The following ABTB2 variants were observed in gnomAD, a reference collection of about 807,000 sequenced individuals.
ABTB2 encodes ankyrin repeat and BTB/POZ domain-containing protein 2.
Under a neutral mutation model 104.1 loss-of-function variants are expected in ABTB2, and 56 were observed. That is an observed-to-expected ratio of 0.54 (90% CI 0.43 to 0.67). The LOEUF (loss-of-function observed/expected upper bound fraction) is 0.67. Ranked by LOEUF, ABTB2 falls within the 30% of genes least tolerant of loss-of-function variation. The pLI is 0.00. For missense variants in ABTB2, 1,279 were observed against 1,407.7 expected, an observed-to-expected ratio of 0.91 and a Z score of 1.46; for synonymous variants, 606 against 608.2, an observed-to-expected ratio of 1.00 and a Z score of 0.05.
At chr11:34,208,941 C>G (rs1413177027) in intron 1 of ABTB2, among the ~76,000 whole-genome samples, 1 of 152,198 alleles carries the variant, frequency 6.6e-6, no homozygotes, top group Non-Finnish European at 1.5e-5. Flanking sequence ...AGGCTTACCC[C>G]CTTCCCCTTA....
intron 1 of ABTB2, among the ~76,000 whole-genome samples, chr11:34,249,178 G>A (rs1854023793): frequency 6.6e-6 from 1 of 152,170 alleles, no homozygotes. Context: ...TTTGCAAGTG[G>A]TCATGACTTG....
chr11:34,171,128 G>A (rs1231632769), intron 4 of ABTB2, 57 bp from the exon 5 acceptor site: 4 of 1,566,950 alleles, frequency 2.6e-6, no homozygotes, highest in Non-Finnish European at 3.5e-6. Context: ...AACTTTCAAT[G>A]ATGTGACACA....
intron 1 of ABTB2, among the ~76,000 whole-genome samples, chr11:34,274,079 G>C (rs1235667295): frequency 3.5e-5 from 5 of 143,196 alleles, no homozygotes; most frequent in Non-Finnish European, 6.0e-5. Flanking sequence ...GTGAACCCGG[G>C]AAGCGGAGCT....
chr11:34,213,064 G>A (rs913192252), intron 1 of ABTB2, among the ~76,000 whole-genome samples: 14 of 152,178 alleles, frequency 9.2e-5, no homozygotes, highest in Non-Finnish European at 1.9e-4. Context: ...CCTGCTGGGG[G>A]TGCACCTGCT....
At chr11:34,230,988 G>A (rs1012718780) in intron 1 of ABTB2, among the ~76,000 whole-genome samples, 1 of 152,260 alleles carries the variant, frequency 6.6e-6, no homozygotes, top group African/African-American at 2.4e-5. Context: ...TGGGGTTACA[G>A]GCATGAGCCA....
At chr11:34,188,916 C>T (rs951196063) in intron 3 of ABTB2, among the ~76,000 whole-genome samples, 4 of 152,188 alleles carry the variant, frequency 2.6e-5, no homozygotes, top group African/African-American at 9.7e-5. Flanking sequence ...GTACCTCACT[C>T]GTATCAGGGC....
intron 1 of ABTB2, among the ~76,000 whole-genome samples, chr11:34,236,476 T>C (rs1853845117): frequency 6.6e-6 from 1 of 152,198 alleles, no homozygotes; most frequent in Admixed American, 6.5e-5. Flanking sequence ...TTTCTAGGGC[T>C]GGAGAAGGAC....
At chr11:34,234,241 G>A (rs767235247) in intron 1 of ABTB2, among the ~76,000 whole-genome samples, 1 of 152,170 alleles carries the variant, frequency 6.6e-6, no homozygotes, top group Non-Finnish European at 1.5e-5. Flanking sequence ...ATGAGCTTCC[G>A]GGTGAAGTCA....
intron 1 of ABTB2, among the ~76,000 whole-genome samples, chr11:34,248,231 G>T (rs879440370): frequency 1.3e-5 from 2 of 151,882 alleles, no homozygotes; most frequent in Non-Finnish European, 2.9e-5. Context: ...GTAGCTAGGG[G>T]AGGCTTGCAC....
At chr11:34,340,777 G>A (rs1177912365) in intron 1 of ABTB2, among the ~76,000 whole-genome samples, 1 of 152,212 alleles carries the variant, frequency 6.6e-6, no homozygotes, top group African/African-American at 2.4e-5. Context: ...CAATAGGCCA[G>A]CTTTAGGCAA....
chr11:34,281,906 CAG>C (rs143955139), intron 1 of ABTB2, among the ~76,000 whole-genome samples: 17,517 of 152,148 alleles, frequency 0.12, 1,176 homozygotes, highest in Admixed American at 0.21. Flanking sequence ...GCTGATATAA[CAG>C]AGGACAAATA....
chr11:34,213,124 A>C (rs1446492346), intron 1 of ABTB2, among the ~76,000 whole-genome samples: 2 of 152,106 alleles, frequency 1.3e-5, no homozygotes, highest in Non-Finnish European at 2.9e-5. Flanking sequence ...TGGCTCCTCC[A>C]ATTCTCAGAG....
At chr11:34,210,441 T>C (rs1211138329) in intron 1 of ABTB2, among the ~76,000 whole-genome samples, 1 of 152,200 alleles carries the variant, frequency 6.6e-6, no homozygotes, top group East Asian at 1.9e-4. Context: ...CTTTCCCCCA[T>C]ATACACACAC....
intron 3 of ABTB2, chr11:34,189,326 G>C (rs1328296590): frequency 6.6e-6 from 1 of 152,158 alleles, no homozygotes; most frequent in Non-Finnish European, 1.5e-5. Flanking sequence ...AAAATGCTGG[G>C]CACTGTGGCT....
At chr11:34,272,728 A>AAAAAAAAAAAAAAAAC (rs1565156120) in intron 1 of ABTB2, among the ~76,000 whole-genome samples, 2 of 133,226 alleles carry the variant, frequency 1.5e-5, no homozygotes, top group Non-Finnish European at 3.2e-5. Context: ...AAAAAAAAAA[A>AAAAAAAAAAAAAAAAC]AAACCAACCA....
At chr11:34,166,665 G>C (rs1452294221) in intron 7 of ABTB2, among the ~76,000 whole-genome samples, 4 of 152,248 alleles carry the variant, frequency 2.6e-5, no homozygotes, top group African/African-American at 9.6e-5. Flanking sequence ...CTGGGAGTAA[G>C]TGCACGTGGC....
At chr11:34,253,630 C>T (rs112250055) in intron 1 of ABTB2, among the ~76,000 whole-genome samples, 5 of 151,184 alleles carry the variant, frequency 3.3e-5, no homozygotes, top group African/African-American at 1.2e-4. Flanking sequence ...GAGCAGAGAA[C>T]GTGCCACTGC....
intron 3 of ABTB2, among the ~76,000 whole-genome samples, chr11:34,195,094 C>CGGG (rs1769567502): frequency 7.2e-5 from 2 of 27,872 alleles, no homozygotes; most frequent in Non-Finnish European, 1.0e-4. Flanking sequence ...GGAGTGGGGG[C>CGGG]GGGAGAAAGT....
At chr11:34,312,592 C>T (rs562754993) in intron 1 of ABTB2, among the ~76,000 whole-genome samples, 41 of 152,212 alleles carry the variant, frequency 2.7e-4, no homozygotes, top group Non-Finnish European at 4.7e-4. Context: ...TAAACTGTAT[C>T]CAGGGTCAGA....
Sources: gnomAD v4.1 joint callset for allele counts (sites outside exome capture counted in the v4.1 genomes callset) on GRCh38, gnomAD v4.1.1 for gene constraint, MANE v1.5 for transcripts, NCBI Gene and HGNC (gene_info 2026-07-23, HGNC 2026-07-21) for gene names.